Variants in PALLD observed in about 807,000 individuals in gnomAD.
PALLD encodes the protein palladin.
A neutral mutation model predicts 123.5 loss-of-function variants in PALLD; 61 were observed. That is an observed-to-expected ratio of 0.49 (90% CI 0.40 to 0.61). The LOEUF (loss-of-function observed/expected upper bound fraction) is 0.61. Ranked by LOEUF, PALLD falls within the 20% of genes least tolerant of loss-of-function variation. The pLI, the probability that PALLD is intolerant of heterozygous loss-of-function variation, is 0.00. For missense variants in PALLD, 1,273 were observed against 1,377.0 expected (o/e 0.92, Z 1.20); for synonymous variants, 465 against 496.4 (o/e 0.94, Z 0.84).
In PALLD at chr4:168,617,481, T is replaced by C. The variant is rs112576801; in HGVS notation, c.909-50709T>C. 5.9e-3 allele frequency among the ~76,000 whole-genome samples: 896 copies of C among 152,300 alleles called. 7 individuals are homozygous for C. Among genetic ancestry groups the C allele is most frequent in the African/African-American group, 0.02 (827 of 41,554 alleles). On this transcript the variant is annotated intron_variant, in intron 2 of 21. Transcript: ENST00000505667. ...GCAGATTCACAGCCTTTGCAGCTCC[T>C]GGGTCACCAGAACAAGACTAGGGGC... is the stretch of plus-strand genomic sequence containing the variant.
At chr4:168,570,330 C>T (rs9992448) in intron 2 of PALLD, among the ~76,000 whole-genome samples, 82,596 of 151,964 alleles carry the variant, frequency 0.54, 22,753 homozygotes, top group East Asian at 0.78. Flanking sequence ...CAAACCCATT[C>T]TGGCCACCTA....
At chr4:168,729,496 A>G (rs1389277339) in intron 10 of PALLD, among the ~76,000 whole-genome samples, 9 of 152,080 alleles carry the variant, frequency 5.9e-5, no homozygotes, top group Admixed American at 5.9e-4. Flanking sequence ...TTTTCTCATG[A>G]CATTTTCCTG....
intron 2 of PALLD, among the ~76,000 whole-genome samples, chr4:168,607,032 T>G (rs1773251539): frequency 6.6e-6 from 1 of 152,202 alleles, no homozygotes; most frequent in Non-Finnish European, 1.5e-5. Flanking sequence ...TTGTATGTGT[T>G]TCACTAACCT....
In PALLD at chr4:168,781,717, CA is replaced by C. The variant is rs547403990; in HGVS notation, c.1964+69795del. 9.2e-5 allele frequency among the ~76,000 whole-genome samples: 14 copies of C among 152,026 alleles called. No homozygotes were observed. In the South Asian group the frequency reaches 2.9e-3, roughly 32 times the overall value. On this transcript the variant is annotated intron_variant, in intron 10 of 21. Transcript: ENST00000505667. ...TAGGGCTGGTTACAAGGTAGGATACCAGGAGAGGAATATAGAAATGAGGGAC... is the reference window on the plus strand; with the variant it reads ...TAGGGCTGGTTACAAGGTAGGATACCGGAGAGGAATATAGAAATGAGGGAC...
intron 1 of PALLD, among the ~76,000 whole-genome samples, chr4:168,503,414 C>T (rs1761633589): frequency 6.6e-6 from 1 of 152,048 alleles, no homozygotes; most frequent in Non-Finnish European, 1.5e-5. Context: ...CTTTGGGAGG[C>T]CAAGGCGGGT....
At chr4:168,766,005 T>C (rs568885951) in intron 10 of PALLD, among the ~76,000 whole-genome samples, 6 of 152,366 alleles carry the variant, frequency 3.9e-5, no homozygotes, top group African/African-American at 1.4e-4. Flanking sequence ...GCCATGGCTC[T>C]GGGCACACCC....
intron 10 of PALLD, among the ~76,000 whole-genome samples, chr4:168,750,059 T>C (rs1427301938): frequency 6.6e-6 from 1 of 152,102 alleles, no homozygotes; most frequent in Non-Finnish European, 1.5e-5. Context: ...CAATTCTCCC[T>C]GCCTCAACCT....
chr4:168,847,645 C>T (rs537433974), intron 10 of PALLD, among the ~76,000 whole-genome samples: 1 of 152,240 alleles, frequency 6.6e-6, no homozygotes, highest in Admixed American at 6.5e-5. Flanking sequence ...ACTTTATTAT[C>T]GTACTACTTT....
chr4:168,760,122 A>G (rs1426172059), intron 10 of PALLD, among the ~76,000 whole-genome samples: 1 of 151,578 alleles, frequency 6.6e-6, no homozygotes. Context: ...GCGTTTCCAC[A>G]TGGCACTTCC....
In PALLD at chr4:168,512,297, C is replaced by G. The variant is rs1762595520; in HGVS notation, c.793C>G (p.Leu265Val). The G allele has an allele frequency of 6.2e-7, 1 of 1,614,208 alleles. No individual in the cohort carries two copies. The highest frequency in any genetic ancestry group is 2.2e-5 in the East Asian group (1 of 44,878). ...RKSHPQPHSA[L>V]HFPAAPRFIQ... ...GTCTCACCCACAGCCCCACAGCGCC[C>G]TCCACTTCCCAGCTGCACCTCGATT... The change falls in exon 2 of 22, where the codon CTC becomes GTC. Residue 265 changes from leucine (L) to valine (V), a missense_variant. Around this residue, in one of 2 missense-constraint regions of PALLD, gnomAD observed 944 missense variants for 954.5 expected, o/e 0.99. Transcript: ENST00000505667.
intron 17 of PALLD, among the ~76,000 whole-genome samples, chr4:168,919,290 G>A (rs1385901577): frequency 2.0e-5 from 3 of 152,194 alleles, no homozygotes; most frequent in South Asian, 4.1e-4. Flanking sequence ...TTGGGAGGCC[G>A]AGGCAGGTGG....
chr4:168,567,978 A>G (rs551402864), intron 2 of PALLD, among the ~76,000 whole-genome samples: 4 of 152,280 alleles, frequency 2.6e-5, no homozygotes, highest in Admixed American at 2.6e-4. Flanking sequence ...TTAAAAAATC[A>G]AACTTTTCCA....
At chr4:168,917,142 A>G (rs1310675119) in intron 17 of PALLD, among the ~76,000 whole-genome samples, 1 of 142,388 alleles carries the variant, frequency 7.0e-6, no homozygotes, top group Non-Finnish European at 1.5e-5. Context: ...TCCACCTCCC[A>G]GGTTCAAGTG....
In PALLD at chr4:168,778,220, A is replaced by G. The variant is rs186767180; in HGVS notation, c.1964+66297A>G. Among the ~76,000 whole-genome samples the G allele has an allele frequency of 2.4e-4, 37 of 152,146 alleles. No individual in the cohort carries two copies. In the East Asian group the frequency reaches 6.2e-3, roughly 25 times the overall value. Reference sequence around the variant, plus strand: ...GAAAAAGAAAAAGCAGAATGTTTTTAGTAGGATCTTTTTGTTTCTAGCTTA... The same window carrying G: ...GAAAAAGAAAAAGCAGAATGTTTTTGGTAGGATCTTTTTGTTTCTAGCTTA... On this transcript the variant is annotated intron_variant, in intron 10 of 21. Transcript: ENST00000505667.
At chr4:168,780,656 T>C (rs558918723) in intron 10 of PALLD, among the ~76,000 whole-genome samples, 4 of 152,306 alleles carry the variant, frequency 2.6e-5, no homozygotes, top group African/African-American at 7.2e-5. Flanking sequence ...TTAATGTGCA[T>C]GTGCCCGCAT....
rs755942969 is a variant in PALLD, at chr4:168,658,284, G to GTTTTTTTTTTTTTTTTTTTTTT, written c.909-9906_909-9905insTTTTTTTTTTTTTTTTTTTTTT. On this transcript the variant is annotated intron_variant, in intron 2 of 21. Coordinates refer to ENST00000505667, the MANE Select transcript of PALLD (RefSeq NM_001166108.2). ...TTTTGTTGGTGGTGGGTTTTTATTT[G>GTTTTTTTTTTTTTTTTTTTTTT]GTTTTTTTTTTTTTTTTTGTGATGA... 3.3e-5 allele frequency among the ~76,000 whole-genome samples: 4 copies of GTTTTTTTTTTTTTTTTTTTTTT among 120,770 alleles called. 1 individual carries two copies. The highest frequency in any genetic ancestry group is 5.0e-5 in the Non-Finnish European group (3 of 59,454). The allele number at this position is 120,770 out of a possible 152,430, so 79.2% of individuals were successfully genotyped here.
At chr4:168,665,877 A>G (rs1224108758) in intron 2 of PALLD, among the ~76,000 whole-genome samples, 2 of 152,152 alleles carry the variant, frequency 1.3e-5, no homozygotes, top group African/African-American at 2.4e-5. Flanking sequence ...TTTGAGGGCC[A>G]TATAATATGT....
At chr4:168,816,414 T>TATATA (rs1554088402) in intron 10 of PALLD, among the ~76,000 whole-genome samples, 3 of 123,796 alleles carry the variant, frequency 2.4e-5, no homozygotes, top group African/African-American at 3.5e-5. Context: ...TATATATATA[T>TATATA]TTTTTTTAAG....
At chr4:168,794,062 G>A (rs548408723) in intron 10 of PALLD, among the ~76,000 whole-genome samples, 8 of 152,224 alleles carry the variant, frequency 5.3e-5, no homozygotes, top group African/African-American at 1.9e-4. Context: ...GCAGTGGCAC[G>A]GCTCCTCCCG....
Sources: gnomAD v4.1 joint callset for allele counts (sites outside exome capture counted in the v4.1 genomes callset) on GRCh38, gnomAD v4.1.1 for gene constraint, gnomAD v4.1.1 regional missense constraint, MANE v1.5 for transcripts, NCBI Gene and HGNC (gene_info 2026-07-23, HGNC 2026-07-21) for gene names.